The following PALS2 variants were observed in gnomAD, a reference collection of about 807,000 sequenced individuals.
PALS2 encodes the protein protein PALS2.
A neutral mutation model predicts 61.6 loss-of-function variants in PALS2; 27 were observed. The ratio of observed to expected loss-of-function variants is 0.44; its 90% CI spans 0.32 to 0.60. PALS2 has a LOEUF of 0.60. PALS2 is among the 20% of genes least tolerant of loss of function. The probability of loss-of-function intolerance (pLI) is 0.05; values close to 1 mark genes in which losing one functional copy is unlikely to be tolerated. For missense variants in PALS2, 554 were observed against 639.4 expected, an observed-to-expected ratio of 0.87 and a Z score of 1.44; for synonymous variants, 236 against 218.6, an observed-to-expected ratio of 1.08 and a Z score of -0.70.
chr7:24,680,327 T>G, intron 10 of PALS2, 65 bp from the exon 11 acceptor site: 1 of 1,508,656 alleles, frequency 6.6e-7, no homozygotes, highest in Non-Finnish European at 9.2e-7. Context: ...TGATATATAC[T>G]AAAGGGTAGC....
rs991465688 is a variant in PALS2 at position 24,693,057 on chromosome 7, G to C, written c.*5443G>C. The C allele has an allele frequency of 6.6e-6, 1 of 152,106 alleles. No individual in the cohort carries two copies. Among genetic ancestry groups the C allele is most frequent in the Non-Finnish European group, 1.5e-5 (1 of 67,994 alleles). 9.4% of individuals were successfully genotyped at this position (152,106 alleles called of 1,614,324 possible). A position where few individuals can be genotyped will look rare whatever the true frequency, so the allele number is the denominator to read the frequency against. On this transcript the variant is annotated 3_prime_UTR_variant, in exon 12 of 12. Coordinates refer to ENST00000222644, the MANE Select transcript of PALS2 (RefSeq NM_001303037.2). ...CTCCACATACAAAAGTCGATCAGAA[G>C]GGATAGTTCTCTTCCTTTTTTTCCC...
At chr7:24,686,931 T>C (rs1476074160) in intron 11 of PALS2, among the ~76,000 whole-genome samples, 1 of 152,192 alleles carries the variant, frequency 6.6e-6, no homozygotes, top group Non-Finnish European at 1.5e-5. Flanking sequence ...AGTATGTGTT[T>C]TGGTGGAGGA....
chr7:24,606,205 A>G (rs923026732), intron 1 of PALS2, among the ~76,000 whole-genome samples: 7 of 152,184 alleles, frequency 4.6e-5, no homozygotes, highest in African/African-American at 1.7e-4. Flanking sequence ...AAACTTATTA[A>G]CAATTACTCT....
intron 1 of PALS2, among the ~76,000 whole-genome samples, chr7:24,602,749 G>A (rs1583858863): frequency 1.3e-5 from 2 of 152,198 alleles, no homozygotes; most frequent in South Asian, 4.1e-4. Flanking sequence ...ATATGGTTTG[G>A]CTTTCTGTCC....
chr7:24,645,557 C>G (rs528954938), intron 3 of PALS2, among the ~76,000 whole-genome samples: 1 of 152,004 alleles, frequency 6.6e-6, no homozygotes, highest in South Asian at 2.1e-4. Flanking sequence ...ATGTGATGCC[C>G]CCAGCTTTGT....
At position 24,618,734 on chromosome 7, in the gene PALS2, G is replaced by T. The variant is rs1447661266; in HGVS notation, c.-2-4932G>T. Among the ~76,000 whole-genome samples, 1 of 152,224 alleles carries T rather than the reference G, an allele frequency of 6.6e-6. No individual in the cohort carries two copies. The highest frequency in any genetic ancestry group is 1.5e-5 in the Non-Finnish European group (1 of 68,042). ...TCCCTTCTGACTCTGGGCCATTCCA[G>T]GCTCGGAGGATGGGATGGCAGAGGC... On this transcript the variant is annotated intron_variant, in intron 1 of 11. Coordinates refer to ENST00000222644, the MANE Select transcript of PALS2 (RefSeq NM_001303037.2). The surrounding 1 kb of genome is among the most constrained non-coding windows in gnomAD (Gnocchi z 5.1).
At position 24,650,722 on chromosome 7, in the gene PALS2, A is replaced by G. The variant is rs1786099615; in HGVS notation, c.651+10A>G. 1 of 1,486,320 alleles carries G rather than the reference A, an allele frequency of 6.7e-7. No homozygotes were observed. Among genetic ancestry groups the G allele is most frequent in the East Asian group, 2.3e-5 (1 of 43,362 alleles). 92.1% of individuals were successfully genotyped at this position (1,486,320 alleles called of 1,614,324 possible). A position where few individuals can be genotyped will look rare whatever the true frequency, so the allele number is the denominator to read the frequency against. On this transcript the variant is annotated intron_variant, in intron 5 of 11. Coordinates refer to ENST00000222644, the MANE Select transcript of PALS2 (RefSeq NM_001303037.2). ...CATTACTCCTCAACAGGTTAGTAAT[A>G]AAATTTTTGGTAGTATTAAAAATAC...
chr7:24,633,042 C>T (rs570398950), intron 2 of PALS2, among the ~76,000 whole-genome samples: 2 of 152,248 alleles, frequency 1.3e-5, no homozygotes, highest in East Asian at 3.9e-4. Context: ...ATATTGCTGC[C>T]ATTCATTTAT....
At chr7:24,648,713 A>G (rs148564553) in intron 3 of PALS2, among the ~76,000 whole-genome samples, 9,581 of 151,840 alleles carry the variant, frequency 0.063, 349 homozygotes, top group African/African-American at 0.093. Context: ...AGACCATCCT[A>G]GCTAACACGG....
intron 3 of PALS2, among the ~76,000 whole-genome samples, chr7:24,644,938 A>G (rs974919118): frequency 6.6e-5 from 10 of 152,054 alleles, no homozygotes; most frequent in African/African-American, 2.4e-4. Flanking sequence ...GGCCACATGT[A>G]TGTCTTCTTT....
chr7:24,643,966 C>A (rs890753519), intron 3 of PALS2, among the ~76,000 whole-genome samples: 10 of 152,036 alleles, frequency 6.6e-5, no homozygotes, highest in African/African-American at 2.4e-4. Flanking sequence ...CTAATCCTTT[C>A]TTTGATTACT....
At chr7:24,582,856 T>A (rs1443039820) in intron 1 of PALS2, among the ~76,000 whole-genome samples, 1 of 151,024 alleles carries the variant, frequency 6.6e-6, no homozygotes, top group African/African-American at 2.4e-5. Context: ...TTTATTAAAG[T>A]TGCTTATTTT....
intron 2 of PALS2, among the ~76,000 whole-genome samples, chr7:24,631,626 T>A (rs991038293): frequency 6.6e-6 from 1 of 152,200 alleles, no homozygotes; most frequent in Non-Finnish European, 1.5e-5. Context: ...CATTGCATGC[T>A]ATGGAGAAAT....
chr7:24,588,966 T>C (rs1392359319), intron 1 of PALS2: 1 of 152,176 alleles, frequency 6.6e-6, no homozygotes, highest in East Asian at 1.9e-4. Flanking sequence ...TAAAATATAA[T>C]TCCAGTCTGC....
intron 1 of PALS2, among the ~76,000 whole-genome samples, chr7:24,599,994 A>G (rs948101138): frequency 2.6e-5 from 4 of 152,066 alleles, no homozygotes; most frequent in Non-Finnish European, 5.9e-5. Flanking sequence ...ATTTCCTATG[A>G]TAACAGTGCC....
intron 3 of PALS2, among the ~76,000 whole-genome samples, chr7:24,643,479 T>A (rs73286282): frequency 0.024 from 3,591 of 152,278 alleles, 165 homozygotes; most frequent in African/African-American, 0.082. Context: ...TTGCACAAAC[T>A]GTTTTAACTT....
chr7:24,681,532 T>C, intron 11 of PALS2, among the ~76,000 whole-genome samples: 1 of 151,978 alleles, frequency 6.6e-6, no homozygotes, highest in East Asian at 1.9e-4. Flanking sequence ...AAGATTTTTT[T>C]TTTTTTTTTT....
intron 9 of PALS2, among the ~76,000 whole-genome samples, chr7:24,678,325 C>G (rs562469919): frequency 1.3e-5 from 2 of 152,206 alleles, no homozygotes; most frequent in African/African-American, 4.8e-5. Context: ...TTGACTTGAG[C>G]TATTCAATCT....
chr7:24,668,810 A>G (rs1361984350), intron 9 of PALS2, 150 bp downstream of exon 9: 6 of 971,430 alleles, frequency 6.2e-6, no homozygotes, highest in African/African-American at 5.0e-5. Flanking sequence ...ACATTGAAAA[A>G]TTTAGTAATT....
Sources: allele counts gnomAD v4.1 joint callset (sites outside exome capture counted in the v4.1 genomes callset), GRCh38; gene constraint gnomAD v4.1.1; non-coding constraint Gnocchi (gnomAD v3.1); transcripts MANE v1.5; gene names NCBI Gene and HGNC (gene_info 2026-07-23, HGNC 2026-07-21).